Variants in LRRC7 observed in about 807,000 individuals in gnomAD.
LRRC7 encodes leucine-rich repeat-containing protein 7.
LRRC7 carries 23 observed loss-of-function variants against 175.7 expected under a neutral mutation model. The observed-to-expected ratio is 0.13, with a 90% CI of 0.09 to 0.19. The LOEUF is 0.19. LRRC7 is among the 10% of genes least tolerant of loss of function. The pLI is 1.00. For synonymous variants in LRRC7, 685 were observed against 680.9 expected (o/e 1.01, Z -0.09); for missense variants, 1,354 against 1,904.7 (o/e 0.71, Z 5.38).
intron 2 of LRRC7, among the ~76,000 whole-genome samples, chr1:69,723,599 T>C (rs10465814): frequency 0.44 from 66,643 of 152,032 alleles, 14,871 homozygotes; most frequent in Admixed American, 0.5. Flanking sequence ...TATTAGAGAC[T>C]CTTCTATTTT....
intron 26 of LRRC7, among the ~76,000 whole-genome samples, chr1:70,116,238 T>C (rs1665838616): frequency 6.6e-6 from 1 of 152,218 alleles, no homozygotes; most frequent in Non-Finnish European, 1.5e-5. Flanking sequence ...GCAGTACATG[T>C]GTGTACTTAA....
intron 8 of LRRC7, among the ~76,000 whole-genome samples, chr1:69,975,897 T>C (rs2101878245): frequency 6.6e-6 from 1 of 152,160 alleles, no homozygotes; most frequent in East Asian, 1.9e-4. Context: ...TTACTCAGTT[T>C]TTTTTTTTGT....
At chr1:69,885,388 T>C (rs1321620853) in intron 7 of LRRC7, among the ~76,000 whole-genome samples, 2 of 146,460 alleles carry the variant, frequency 1.4e-5, no homozygotes, top group African/African-American at 5.2e-5. Flanking sequence ...TTCTAGATTT[T>C]CTAGTTTATT....
intron 7 of LRRC7, among the ~76,000 whole-genome samples, chr1:69,902,023 T>C (rs1646148759): frequency 6.6e-6 from 1 of 152,176 alleles, no homozygotes. Flanking sequence ...GAATGTATGC[T>C]CCATCAGGGC....
intron 5 of LRRC7, among the ~76,000 whole-genome samples, chr1:69,829,152 C>G (rs924031718): frequency 1.3e-5 from 2 of 151,846 alleles, no homozygotes; most frequent in African/African-American, 4.8e-5. Flanking sequence ...ATCTGAGCAG[C>G]AGATATTAGT....
Position 70,125,249 on chromosome 1 carries a change from C to T in LRRC7, c.*3362C>T, listed in dbSNP as rs375450265. 1.2e-4 allele frequency among the ~76,000 whole-genome samples: 19 copies of T among 152,222 alleles called. No homozygotes were observed. The highest frequency in any genetic ancestry group is 4.3e-4 in the African/African-American group (18 of 41,532). ...TATTAGGTTGCTGAAAAAGTAATTG[C>T]GGTTTTTACCATTAAAAGTGCAGGC... On this transcript the variant is annotated 3_prime_UTR_variant, in exon 27 of 27. Coordinates refer to ENST00000651989, the MANE Select transcript of LRRC7 (RefSeq NM_001370785.2).
chr1:69,776,480 G>A (rs1022200164), intron 3 of LRRC7, among the ~76,000 whole-genome samples: 1 of 152,146 alleles, frequency 6.6e-6, no homozygotes, highest in Non-Finnish European at 1.5e-5. Flanking sequence ...CAAAATGTAT[G>A]TGGAAATTAA....
At chr1:69,748,315 G>A (rs1393361570) in intron 2 of LRRC7, among the ~76,000 whole-genome samples, 1 of 152,122 alleles carries the variant, frequency 6.6e-6, no homozygotes, top group Non-Finnish European at 1.5e-5. Flanking sequence ...ACATCAGACA[G>A]AAAAGATGGG....
intron 3 of LRRC7, among the ~76,000 whole-genome samples, chr1:69,781,733 A>AAGAAAGAAAGAG (rs1491193080): frequency 1.7e-4 from 4 of 23,540 alleles, no homozygotes; most frequent in African/African-American, 7.5e-4. Context: ...GAAAGAAAGA[A>AAGAAAGAAAGAG]AGAGAGAGAG....
intron 1 of LRRC7, among the ~76,000 whole-genome samples, chr1:69,665,008 AT>A (rs201097067): frequency 1.3e-5 from 2 of 151,926 alleles, no homozygotes; most frequent in South Asian, 2.1e-4. Flanking sequence ...GTCGAATTTC[AT>A]TTTTTTTGCC....
intron 7 of LRRC7, among the ~76,000 whole-genome samples, chr1:69,926,913 T>C (rs1041654848): frequency 6.6e-6 from 1 of 152,226 alleles, no homozygotes; most frequent in Admixed American, 6.5e-5. Context: ...CAATGGTCTT[T>C]ACATTTTGGC....
intron 7 of LRRC7, among the ~76,000 whole-genome samples, chr1:69,879,212 TAAAAAAAAA>T (rs201332183): frequency 2.2e-5 from 2 of 91,960 alleles, no homozygotes; most frequent in African/African-American, 5.2e-5. Flanking sequence ...AAAACTGCTT[TAAAAAAAAA>T]AAAAAAAAAA....
intron 1 of LRRC7, among the ~76,000 whole-genome samples, chr1:69,601,301 G>T (rs994069062): frequency 1.3e-5 from 2 of 152,132 alleles, no homozygotes; most frequent in Admixed American, 6.5e-5. Context: ...ATCTGTGTCT[G>T]TATCAGCCAA....
intron 7 of LRRC7, among the ~76,000 whole-genome samples, chr1:69,841,506 C>T (rs1257416120): frequency 6.6e-6 from 1 of 152,048 alleles, no homozygotes; most frequent in East Asian, 1.9e-4. Flanking sequence ...CTCAGCATTG[C>T]TGGTCTAGAA....
At chr1:69,649,407 A>C (rs1334491157) in intron 1 of LRRC7, among the ~76,000 whole-genome samples, 4 of 152,192 alleles carry the variant, frequency 2.6e-5, no homozygotes, top group African/African-American at 9.7e-5. Context: ...CCAAGATTTT[A>C]AGCAGACCTA....
intron 17 of LRRC7, among the ~76,000 whole-genome samples, chr1:70,027,064 T>C (rs1389025310): frequency 1.3e-5 from 2 of 152,002 alleles, no homozygotes; most frequent in African/African-American, 4.8e-5. Context: ...GATCTTCCTC[T>C]TCCTTTCACT....
In LRRC7 at chr1:69,941,012, A is replaced by G. The variant is rs999694806; in HGVS notation, c.711+9442A>G. Among the ~76,000 whole-genome samples, 3 of 152,102 alleles carry G rather than the reference A, an allele frequency of 2.0e-5. No individual in the cohort carries two copies. In the South Asian group the frequency reaches 6.2e-4, roughly 31 times the overall value. On this transcript the variant is annotated intron_variant, in intron 8 of 26. Coordinates refer to ENST00000651989, the MANE Select transcript of LRRC7 (RefSeq NM_001370785.2). ...TGGGTAAGCTTCAGTCTCAGAAGGT[A>G]GCATTTTAGTAAAAACTGAAAGGAG...
At chr1:69,947,686 A>G (rs1292709793) in intron 8 of LRRC7, among the ~76,000 whole-genome samples, 1 of 152,062 alleles carries the variant, frequency 6.6e-6, no homozygotes, top group African/African-American at 2.4e-5. Context: ...TTTATGCACT[A>G]CTACAATATT....
At chr1:69,943,984 ACAC>A (rs1649026593) in intron 8 of LRRC7, among the ~76,000 whole-genome samples, 2 of 140,148 alleles carry the variant, frequency 1.4e-5, no homozygotes, top group African/African-American at 2.5e-5. Context: ...ACACACACAC[ACAC>A]AACATGAGAT....
Sources: allele counts gnomAD v4.1 joint callset (sites outside exome capture counted in the v4.1 genomes callset), GRCh38; gene constraint gnomAD v4.1.1; transcripts MANE v1.5; gene names NCBI Gene and HGNC (gene_info 2026-07-23, HGNC 2026-07-21).